The following PPP5C variants were observed in gnomAD, a reference collection of about 807,000 sequenced individuals.
PPP5C encodes protein phosphatase 5 catalytic subunit, also known as serine/threonine-protein phosphatase 5.
In PPP5C, 21 loss-of-function variants were observed where a neutral mutation model predicts 66.7. The ratio of observed to expected loss-of-function variants is 0.31; its 90% CI spans 0.22 to 0.45. The LOEUF is 0.45. Ranked by LOEUF, PPP5C falls within the 20% of genes least tolerant of loss-of-function variation. The pLI is 1.00. For missense variants in PPP5C, 464 were observed against 675.9 expected, an observed-to-expected ratio of 0.69 and a Z score of 3.48; for synonymous variants, 246 against 257.4, an observed-to-expected ratio of 0.96 and a Z score of 0.43.
chr19:46,349,283 G>A lies in PPP5C; in HGVS notation c.121+2066G>A, dbSNP rs371546974. 1.1e-4 allele frequency among the ~76,000 whole-genome samples: 17 copies of A among 151,566 alleles called. No individual in the cohort carries two copies. In the South Asian group the frequency reaches 3.3e-3, roughly 30 times the overall value. ...CATTCCAGCCTGGGCAACAGACTCC[G>A]TCTCAAGAAAAAAAAAAAGAGAGAA... On this transcript the variant is annotated intron_variant, in intron 1 of 12. Coordinates refer to ENST00000012443, the MANE Select transcript of PPP5C (RefSeq NM_006247.4).
intron 2 of PPP5C, among the ~76,000 whole-genome samples, chr19:46,366,313 G>A (rs995367493): frequency 6.6e-6 from 1 of 152,102 alleles, no homozygotes; most frequent in African/African-American, 2.4e-5. Context: ...GTTACCTTGG[G>A]AAGAGCACTG....
At chr19:46,359,552 A>G (rs1972345097) in intron 2 of PPP5C, among the ~76,000 whole-genome samples, 1 of 152,202 alleles carries the variant, frequency 6.6e-6, no homozygotes, top group Admixed American at 6.5e-5. Flanking sequence ...ACCCAAAAAC[A>G]GTGGTCAGGG....
In PPP5C at chr19:46,353,999, G is replaced by A. The variant is rs777182096; in HGVS notation, c.363+10G>A. On this transcript the variant is annotated intron_variant, in intron 2 of 12. Transcript: ENST00000012443. ...GCGAGACTACGAGACGGTGAGCTGGGGAGTGGGCCAGGCCTGGCACCTGAG... is the reference window on the plus strand; with the variant it reads ...GCGAGACTACGAGACGGTGAGCTGGAGAGTGGGCCAGGCCTGGCACCTGAG... The A allele has an allele frequency of 1.9e-6, 3 of 1,610,444 alleles. No homozygotes were observed. The highest frequency in any genetic ancestry group is 2.2e-5 in the South Asian group (2 of 90,508).
intron 2 of PPP5C, among the ~76,000 whole-genome samples, chr19:46,356,719 GAATTAAAA>G (rs1195151253): frequency 6.6e-6 from 1 of 152,226 alleles, no homozygotes; most frequent in African/African-American, 2.4e-5. Context: ...ATCAAACAGA[GAATTAAAA>G]ACGGTTCATT....
intron 2 of PPP5C, among the ~76,000 whole-genome samples, chr19:46,355,915 A>G (rs1439986683): frequency 6.6e-6 from 1 of 152,012 alleles, no homozygotes. Context: ...CTGCAGGAGC[A>G]TCTTTCCCCA....
intron 4 of PPP5C, among the ~76,000 whole-genome samples, chr19:46,380,434 T>G (rs1344825011): frequency 6.6e-6 from 1 of 152,254 alleles, no homozygotes; most frequent in Non-Finnish European, 1.5e-5. Flanking sequence ...GTCATTTCCT[T>G]AAATAGACAC....
At chr19:46,368,218 C>A (rs948077199) in intron 2 of PPP5C, among the ~76,000 whole-genome samples, 8 of 152,250 alleles carry the variant, frequency 5.3e-5, no homozygotes, top group Non-Finnish European at 1.2e-4. Context: ...TTGGCCTATG[C>A]AGAAGACGGC....
rs1178172878 is a variant in PPP5C at position 46,375,693 on chromosome 19, C to T, written c.453C>T (p.Ala151=). The T allele has an allele frequency of 2.5e-6, 4 of 1,612,880 alleles. No individual in the cohort carries two copies. Among genetic ancestry groups the T allele is most frequent in the South Asian group, 2.2e-5 (2 of 90,874 alleles). The change falls in exon 3 of 13, where the codon GCC becomes GCT. Residue 151 remains alanine (A), a synonymous_variant. Transcript: ENST00000012443. The part of the protein sequence containing the change: ...KIVKQKAFER[A]IAGDEHKRSV... ...TGAAGCAGAAGGCCTTTGAGCGGGC[C>T]ATCGCGGGCGACGAGCACAAGCGCT...
Position 46,383,260 on chromosome 19 carries a change from G to A in PPP5C, c.634-151G>A, listed in dbSNP as rs776385593. 3.4e-5 allele frequency: 52 copies of A among 1,544,612 alleles called. No individual in the cohort carries two copies. Among genetic ancestry groups the A allele is most frequent in the Middle Eastern group, 1.7e-4 (1 of 5,976 alleles). On this transcript the variant is annotated intron_variant, in intron 4 of 12. Transcript: ENST00000012443. This position sits in a 1 kb window ranked among gnomAD's most constrained non-coding sequence, Gnocchi z 5.0. ...GCTGCCTCCGGCCCCGCCTGCTCCC[G>A]CTCCCCCAGGCCTGCCCTGCCCTTT...
rs1338386202 is a variant in PPP5C at position 46,375,622 on chromosome 19, C to T, written c.382C>T (p.His128Tyr). The T allele has an allele frequency of 6.2e-7, 1 of 1,614,126 alleles. No individual in the cohort carries two copies. The highest frequency in any genetic ancestry group is 1.7e-5 in the Admixed American group (1 of 60,020). The change falls in exon 3 of 13, where the codon CAT (histidine) becomes TAT (tyrosine). Residue 128 changes from histidine to tyrosine, a missense_variant. Physicochemically the swap from His to Tyr is moderately conservative, Grantham distance 83. Around this residue, in one of 2 missense-constraint regions of PPP5C, gnomAD observed 387 missense variants for 626.0 expected, o/e 0.62. Coordinates refer to ENST00000012443, the MANE Select transcript of PPP5C (RefSeq NM_006247.4). Reference protein sequence around the residue: ...DYETVVKVKPHDKDAKMKYQE... With the variant: ...DYETVVKVKPYDKDAKMKYQE... ...CACCCAGGTGGTCAAGGTGAAGCCC[C>T]ATGACAAGGATGCCAAAATGAAATA...
intron 1 of PPP5C, among the ~76,000 whole-genome samples, chr19:46,352,063 C>G (rs1433210225): frequency 6.6e-6 from 1 of 152,214 alleles, no homozygotes; most frequent in East Asian, 1.9e-4. Flanking sequence ...TCCTTTCCCT[C>G]TGGAGCCACT....
chr19:46,365,139 C>T (rs562540282), intron 2 of PPP5C, among the ~76,000 whole-genome samples: 154 of 151,908 alleles, frequency 1.0e-3, no homozygotes, highest in South Asian at 3.1e-3. Context: ...TGAGCCACCA[C>T]GCCCAGCTAC....
chr19:46,360,741 C>A (rs1235888439), intron 2 of PPP5C, among the ~76,000 whole-genome samples: 14 of 152,118 alleles, frequency 9.2e-5, no homozygotes, highest in Non-Finnish European at 1.5e-5. Context: ...CTCAAGTGAT[C>A]AGCTTCAGCC....
intron 2 of PPP5C, among the ~76,000 whole-genome samples, chr19:46,373,643 G>A (rs1432698616): frequency 6.9e-6 from 1 of 144,622 alleles, no homozygotes; most frequent in Non-Finnish European, 1.5e-5. Flanking sequence ...TCATTTCTTT[G>A]GAGAAAGGGG....
intron 2 of PPP5C, among the ~76,000 whole-genome samples, chr19:46,359,128 A>T (rs891404506): frequency 6.6e-6 from 1 of 152,142 alleles, no homozygotes; most frequent in Non-Finnish European, 1.5e-5. Context: ...ACTTTAGGAC[A>T]GGCCTGTTCT....
intron 2 of PPP5C, among the ~76,000 whole-genome samples, chr19:46,361,450 T>C (rs1972388091): frequency 6.8e-6 from 1 of 147,326 alleles, no homozygotes; most frequent in Non-Finnish European, 1.5e-5. Flanking sequence ...TATTATCTTT[T>C]ACTAATACTA....
intron 7 of PPP5C, chr19:46,386,870 A>C: frequency 1.6e-6 from 1 of 631,940 alleles, no homozygotes; most frequent in Non-Finnish European, 2.7e-6. Flanking sequence ...TGGCTTCCCA[A>C]AGTGCTGGAA....
rs2147405216 is a variant in PPP5C, at chr19:46,387,255, T to C, written c.1047+20T>C. On this transcript the variant is annotated intron_variant, in intron 8 of 12. Coordinates refer to ENST00000012443, the MANE Select transcript of PPP5C (RefSeq NM_006247.4). Reference sequence around the variant, plus strand: ...GTGCTGGTGAGGACGGCGCGAGCCCTGAGTGTGGGTTCCCCACCCAGCCAC... The same window carrying C: ...GTGCTGGTGAGGACGGCGCGAGCCCCGAGTGTGGGTTCCCCACCCAGCCAC... The C allele has an allele frequency of 6.2e-7, 1 of 1,614,064 alleles. No homozygotes were observed. Among genetic ancestry groups the C allele is most frequent in the African/African-American group, 1.3e-5 (1 of 75,070 alleles).
rs1173777953 is a variant in PPP5C, at chr19:46,383,764, G to T, written c.700-16G>T. The T allele has an allele frequency of 6.3e-7, 1 of 1,598,212 alleles. No homozygotes were observed. Among genetic ancestry groups the T allele is most frequent in the East Asian group, 2.2e-5 (1 of 44,774 alleles). ...TCTCTCGGCCCGTCCCTCTCCGGTG[G>T]CCTCTTTTCTTTCAGACAGAGAAGA... On this transcript the variant is annotated splice_polypyrimidine_tract_variant and intron_variant, in intron 5 of 12. Coordinates refer to ENST00000012443, the MANE Select transcript of PPP5C (RefSeq NM_006247.4). This position sits in a 1 kb window ranked among gnomAD's most constrained non-coding sequence, Gnocchi z 5.0.
Sources: allele counts gnomAD v4.1 joint callset (sites outside exome capture counted in the v4.1 genomes callset), GRCh38; gene constraint gnomAD v4.1.1; regional missense constraint gnomAD v4.1.1; non-coding constraint Gnocchi (gnomAD v3.1); transcripts MANE v1.5; gene names NCBI Gene and HGNC (gene_info 2026-07-23, HGNC 2026-07-21).